FHIT: variants seen among roughly 807,000 people sequenced by gnomAD.
FHIT encodes bis(5'-adenosyl)-triphosphatase.
A neutral mutation model predicts 17.9 loss-of-function variants in FHIT; 19 were observed. That is an observed-to-expected ratio of 1.06 (90% CI 0.74 to 1.56). The LOEUF is 1.56. FHIT is among the 40% of genes most tolerant of loss of function. FHIT has a pLI of 0.00. For synonymous variants in FHIT, 81 were observed against 69.7 expected, an observed-to-expected ratio of 1.16 and a Z score of -0.81; for missense variants, 248 against 189.2, an observed-to-expected ratio of 1.31 and a Z score of -1.82.
chr3:60,823,693 C>T (rs1225406965), intron 3 of FHIT, among the ~76,000 whole-genome samples: 10 of 152,160 alleles, frequency 6.6e-5, no homozygotes, highest in African/African-American at 9.7e-5. Flanking sequence ...CAATAAATTT[C>T]GGTTGTTTTA....
At chr3:61,188,358 T>C (rs981955562) in intron 2 of FHIT, among the ~76,000 whole-genome samples, 6 of 152,120 alleles carry the variant, frequency 3.9e-5, no homozygotes, top group African/African-American at 7.2e-5. Flanking sequence ...CCCGGACACA[T>C]ACAACCTCCC....
At chr3:59,875,066 C>T (rs1014589296) in intron 8 of FHIT, among the ~76,000 whole-genome samples, 3 of 152,224 alleles carry the variant, frequency 2.0e-5, no homozygotes, top group Non-Finnish European at 4.4e-5. Flanking sequence ...TTAGTTACCT[C>T]TGGAGATAGG....
intron 4 of FHIT, among the ~76,000 whole-genome samples, chr3:60,790,863 A>T (rs1051918992): frequency 6.6e-6 from 1 of 152,210 alleles, no homozygotes; most frequent in South Asian, 2.1e-4. Context: ...TGTCAATCCA[A>T]TGCAAGATGT....
Position 60,281,980 on chromosome 3 carries a change from G to C in FHIT, c.103+254880C>G, listed in dbSNP as rs187135101. ...ATACCAGTATATACCTATTAGGATA[G>C]CTAAATCCATAAGACTGATAATACC... On this transcript the variant is annotated intron_variant, in intron 5 of 9. Coordinates refer to ENST00000492590, the MANE Select transcript of FHIT (RefSeq NM_002012.4). Among the ~76,000 whole-genome samples the C allele has an allele frequency of 7.9e-5, 12 of 152,248 alleles. No individual in the cohort carries two copies. The East Asian group carries it at 2.1e-3, about 27-fold the overall frequency.
chr3:60,133,155 A>G (rs191736777), intron 5 of FHIT, among the ~76,000 whole-genome samples: 1 of 152,210 alleles, frequency 6.6e-6, no homozygotes, highest in East Asian at 1.9e-4. Flanking sequence ...TTAAAACCTT[A>G]GGCTGGACAG....
intron 4 of FHIT, among the ~76,000 whole-genome samples, chr3:60,674,815 A>G (rs2040585442): frequency 6.6e-6 from 1 of 152,180 alleles, no homozygotes; most frequent in Admixed American, 6.5e-5. Flanking sequence ...GCTAGGCCTC[A>G]TGGTGTCTTG....
At chr3:60,295,900 G>C (rs1440059552) in intron 5 of FHIT, among the ~76,000 whole-genome samples, 1 of 152,056 alleles carries the variant, frequency 6.6e-6, no homozygotes, top group Non-Finnish European at 1.5e-5. Flanking sequence ...TTGAATTGTA[G>C]CTCCCATGAT....
At chr3:60,213,134 A>G (rs1703533628) in intron 5 of FHIT, among the ~76,000 whole-genome samples, 1 of 152,162 alleles carries the variant, frequency 6.6e-6, no homozygotes, top group South Asian at 2.1e-4. Flanking sequence ...ACTAGCCTCA[A>G]CTAGAAAGAG....
chr3:60,730,407 A>C (rs2042003823), intron 4 of FHIT: 1 of 237,494 alleles, frequency 4.2e-6, no homozygotes, highest in Non-Finnish European at 9.5e-6. Context: ...CCATGTGAGC[A>C]GAAAATGTGT....
intron 4 of FHIT, among the ~76,000 whole-genome samples, chr3:60,613,180 G>T (rs999907972): frequency 2.6e-5 from 4 of 152,058 alleles, no homozygotes; most frequent in Admixed American, 2.0e-4. Context: ...AACTCTCAAG[G>T]ATACTTACAG....
At chr3:61,212,755 A>C (rs867316575) in intron 1 of FHIT, among the ~76,000 whole-genome samples, 10 of 152,364 alleles carry the variant, frequency 6.6e-5, no homozygotes, top group Middle Eastern at 6.8e-3. Flanking sequence ...CCAGACAGAA[A>C]GGTCGGGTTA....
At chr3:59,770,619 T>C (rs1339516347) in intron 8 of FHIT, among the ~76,000 whole-genome samples, 3 of 152,196 alleles carry the variant, frequency 2.0e-5, no homozygotes, top group Non-Finnish European at 2.9e-5. Flanking sequence ...CTCGGGCTTG[T>C]AGTTGCCAGA....
chr3:60,830,164 C>A (rs781969133), intron 3 of FHIT, among the ~76,000 whole-genome samples: 7 of 152,076 alleles, frequency 4.6e-5, no homozygotes, highest in South Asian at 2.1e-4. Flanking sequence ...TTATTCATAT[C>A]TCTGGGTATC....
intron 1 of FHIT, among the ~76,000 whole-genome samples, chr3:61,235,357 T>G (rs1478489904): frequency 2.0e-5 from 3 of 152,122 alleles, no homozygotes. Flanking sequence ...TCCATAGAGT[T>G]GCTAAGAGGA....
chr3:60,004,019 G>C (rs1275084067), intron 7 of FHIT, among the ~76,000 whole-genome samples: 5 of 152,130 alleles, frequency 3.3e-5, no homozygotes, highest in South Asian at 2.1e-4. Flanking sequence ...TGGTGAGGCA[G>C]AGTAGTGCTC....
chr3:60,629,857 A>G (rs967318), intron 4 of FHIT, among the ~76,000 whole-genome samples: 31,309 of 152,164 alleles, frequency 0.21, 3,512 homozygotes, highest in Admixed American at 0.26. Context: ...TCCTAGAATC[A>G]TAAGAGCAGG....
chr3:60,003,241 G>C (rs978678014), intron 7 of FHIT, among the ~76,000 whole-genome samples: 5 of 152,144 alleles, frequency 3.3e-5, no homozygotes, highest in African/African-American at 7.2e-5. Flanking sequence ...GAGGCAGTAA[G>C]AATGTTATCT....
chr3:59,870,874 C>CGCGT (rs1553702009), intron 8 of FHIT, among the ~76,000 whole-genome samples: 52 of 149,868 alleles, frequency 3.5e-4, no homozygotes, highest in Middle Eastern at 7.0e-3. Context: ...TGTGTGTGTG[C>CGCGT]GTGTGTGTGT....
intron 4 of FHIT, among the ~76,000 whole-genome samples, chr3:60,565,503 T>C (rs1397874861): frequency 1.3e-5 from 2 of 152,206 alleles, no homozygotes; most frequent in Non-Finnish European, 2.9e-5. Context: ...ATGCCTGTTA[T>C]TCCTTTAAAA....
Sources: gnomAD v4.1 joint callset for allele counts (sites outside exome capture counted in the v4.1 genomes callset) on GRCh38, gnomAD v4.1.1 for gene constraint, MANE v1.5 for transcripts, NCBI Gene and HGNC (gene_info 2026-07-23, HGNC 2026-07-21) for gene names.